The following MED27 variants were observed in gnomAD, a reference collection of about 807,000 sequenced individuals.
MED27 encodes the protein mediator complex subunit 27.
Under a neutral mutation model 38.2 loss-of-function variants are expected in MED27, and 30 were observed. The ratio of observed to expected loss-of-function variants is 0.79; its 90% CI spans 0.59 to 1.07. The LOEUF (loss-of-function observed/expected upper bound fraction) is 1.07, where lower values mean the gene tolerates loss of function less well. Among genes scored for constraint, MED27 ranks in the 50% least tolerant of loss-of-function variants. MED27 has a pLI of 0.00. For missense variants in MED27, 289 were observed against 397.5 expected, an observed-to-expected ratio of 0.73 and a Z score of 2.32; for synonymous variants, 122 against 153.5, an observed-to-expected ratio of 0.79 and a Z score of 1.52.
chr9:131,980,497 CTT>C (rs1174786518), intron 3 of MED27, among the ~76,000 whole-genome samples: 2 of 152,188 alleles, frequency 1.3e-5, no homozygotes, highest in African/African-American at 2.4e-5. Flanking sequence ...TGTGTCTGCA[CTT>C]TGTCTTTCCA....
intron 3 of MED27, among the ~76,000 whole-genome samples, chr9:131,981,594 G>T (rs897531168): frequency 2.6e-5 from 4 of 152,188 alleles, no homozygotes; most frequent in African/African-American, 9.7e-5. Context: ...GAGCAGAAAG[G>T]GCTCATATAA....
At chr9:131,869,098 C>T (rs1305417260) in intron 6 of MED27, 13 of 985,302 alleles carry the variant, frequency 1.3e-5, no homozygotes, top group South Asian at 4.7e-5. Context: ...CTTTTTCCAG[C>T]GCTGATGCAA....
intron 3 of MED27, among the ~76,000 whole-genome samples, chr9:131,945,789 G>C (rs1362394776): frequency 6.7e-5 from 9 of 135,100 alleles, no homozygotes; most frequent in Middle Eastern, 3.9e-3. Flanking sequence ...GCAAGATCCT[G>C]TCTCTTAAAA....
chr9:132,035,408 T>G (rs779509494), intron 2 of MED27, among the ~76,000 whole-genome samples: 1 of 151,894 alleles, frequency 6.6e-6, no homozygotes, highest in East Asian at 1.9e-4. Flanking sequence ...AGAGGAGAGA[T>G]AGGACAGACA....
At chr9:131,970,487 G>C (rs1831453196) in intron 3 of MED27, among the ~76,000 whole-genome samples, 1 of 152,190 alleles carries the variant, frequency 6.6e-6, no homozygotes, top group Admixed American at 6.5e-5. Context: ...TACTACAAGA[G>C]AAAACAAGGT....
At chr9:132,053,244 C>A (rs1023248986) in intron 2 of MED27, among the ~76,000 whole-genome samples, 2 of 147,786 alleles carry the variant, frequency 1.4e-5, no homozygotes, top group Non-Finnish European at 3.0e-5. Flanking sequence ...CAGAGCGAGA[C>A]TCCCGTCTCA....
intron 4 of MED27, among the ~76,000 whole-genome samples, chr9:131,922,014 G>C (rs920400127): frequency 9.9e-5 from 14 of 140,732 alleles, no homozygotes; most frequent in African/African-American, 3.6e-4. Flanking sequence ...CACACACCGG[G>C]GCCTGTCATG....
At chr9:131,877,277 A>ATAAC (rs1838952805) in intron 6 of MED27, among the ~76,000 whole-genome samples, 2 of 152,164 alleles carry the variant, frequency 1.3e-5, no homozygotes, top group Admixed American at 1.3e-4. Context: ...GAAACTGAAA[A>ATAAC]TAACGCGGCT....
intron 2 of MED27, among the ~76,000 whole-genome samples, chr9:132,064,257 A>G (rs1000962860): frequency 6.6e-6 from 1 of 152,222 alleles, no homozygotes; most frequent in Non-Finnish European, 1.5e-5. Flanking sequence ...CCGGGAACCC[A>G]GCATACCCGG....
intron 6 of MED27, among the ~76,000 whole-genome samples, chr9:131,878,610 C>T (rs1275224435): frequency 1.3e-5 from 2 of 152,184 alleles, no homozygotes; most frequent in African/African-American, 4.8e-5. Context: ...CTCCACCTCT[C>T]TCTCCAGCCA....
At chr9:131,920,412 G>C (rs1830367401) in intron 4 of MED27, among the ~76,000 whole-genome samples, 6 of 152,126 alleles carry the variant, frequency 3.9e-5, no homozygotes, top group Admixed American at 2.0e-4. Context: ...ACACATACAT[G>C]CATGAATCTG....
chr9:131,983,817 T>A (rs1831791777), intron 3 of MED27, among the ~76,000 whole-genome samples: 1 of 152,232 alleles, frequency 6.6e-6, no homozygotes, highest in Non-Finnish European at 1.5e-5. Context: ...AATTAGCACA[T>A]ACTATACCCC....
At chr9:131,871,554 T>C (rs1838834473) in intron 6 of MED27, among the ~76,000 whole-genome samples, 1 of 152,156 alleles carries the variant, frequency 6.6e-6, no homozygotes, top group African/African-American at 2.4e-5. Flanking sequence ...AGCAAGACCC[T>C]TGTCCTCTGT....
chr9:132,057,595 T>C (rs1833609206), intron 2 of MED27, among the ~76,000 whole-genome samples: 1 of 152,236 alleles, frequency 6.6e-6, no homozygotes, highest in African/African-American at 2.4e-5. Context: ...CTCCTTAAAC[T>C]TCATTTGCTC....
chr9:132,038,266 A>G (rs967568598), intron 2 of MED27, among the ~76,000 whole-genome samples: 1 of 133,398 alleles, frequency 7.5e-6, no homozygotes, highest in African/African-American at 2.9e-5. Context: ...ATCTCGGCTC[A>G]CTGCAAGCTC....
rs555636458 is a variant in MED27, at chr9:132,055,714, C to T, written c.348+21728G>A. Among the ~76,000 whole-genome samples, 133 of 152,340 alleles carry T rather than the reference C, an allele frequency of 8.7e-4. 1 individual carries two copies. Among genetic ancestry groups the T allele is most frequent in the African/African-American group, 3.1e-3 (129 of 41,572 alleles). On this transcript the variant is annotated intron_variant, in intron 2 of 7. Transcript: ENST00000292035. ...ATTGAGAGGACTCCCCATTATCCAT[C>T]CGTTCACTGGAACCAAGAAAGCAGC... is the stretch of plus-strand genomic sequence containing the variant.
intron 2 of MED27, among the ~76,000 whole-genome samples, chr9:132,019,346 G>A (rs147978928): frequency 2.7e-3 from 410 of 152,338 alleles, no homozygotes; most frequent in Non-Finnish European, 4.5e-3. Context: ...AACCAATCTA[G>A]AACAGACTGC....
intron 4 of MED27, among the ~76,000 whole-genome samples, chr9:131,895,922 G>A (rs889958437): frequency 2.6e-5 from 4 of 151,344 alleles, no homozygotes; most frequent in Admixed American, 6.6e-5. Flanking sequence ...TTTTTGAGGC[G>A]AAGTCTTGCT....
intron 3 of MED27, among the ~76,000 whole-genome samples, chr9:131,999,049 C>T (rs956282815): frequency 2.6e-5 from 4 of 152,156 alleles, no homozygotes; most frequent in African/African-American, 9.7e-5. Flanking sequence ...CTGTGAGAGA[C>T]TTCTAAGGAA....
Sources: gnomAD v4.1 joint callset for allele counts (sites outside exome capture counted in the v4.1 genomes callset) on GRCh38, gnomAD v4.1.1 for gene constraint, MANE v1.5 for transcripts, NCBI Gene and HGNC (gene_info 2026-07-23, HGNC 2026-07-21) for gene names.